Variants in GLIS3 observed in about 807,000 individuals in gnomAD.
The protein encoded by GLIS3 is zinc finger protein GLIS3.
Under a neutral mutation model 78.6 loss-of-function variants are expected in GLIS3, and 53 were observed. The ratio of observed to expected loss-of-function variants is 0.67; its 90% CI spans 0.54 to 0.85. The LOEUF is 0.85. GLIS3 is among the 40% of genes least tolerant of loss of function. GLIS3 has a pLI of 0.00. For synonymous variants in GLIS3, 684 were observed against 509.9 expected (o/e 1.34, Z -4.60); for missense variants, 1,703 against 1,231.1 (o/e 1.38, Z -5.74).
At position 3,940,902 on chromosome 9, in the gene GLIS3, C is replaced by T. The variant is rs560755113; in HGVS notation, c.1711-3713G>A. Among the ~76,000 whole-genome samples the T allele has an allele frequency of 4.6e-5, 7 of 152,236 alleles. No individual in the cohort carries two copies. The South Asian group carries it at 8.3e-4, about 18-fold the overall frequency. ...TGCATGAAAGCAAGGTCAACGTGTA[C>T]GGCTGGGCAGGTTACATACTGACGC... On this transcript the variant is annotated intron_variant, in intron 4 of 10. Transcript: ENST00000381971.
intron 8 of GLIS3, among the ~76,000 whole-genome samples, chr9:3,857,863 G>C (rs1819890752): frequency 6.6e-6 from 1 of 152,122 alleles, no homozygotes; most frequent in South Asian, 2.1e-4. Context: ...TCATATGAAG[G>C]CTATTTTCTG....
intron 2 of GLIS3, among the ~76,000 whole-genome samples, chr9:4,159,786 C>T (rs780563939): frequency 1.3e-5 from 2 of 152,008 alleles, no homozygotes; most frequent in African/African-American, 2.4e-5. Context: ...GGTTGGCCCA[C>T]ATAGTTCCAC....
chr9:4,062,693 C>T (rs767986231), intron 4 of GLIS3, among the ~76,000 whole-genome samples: 1 of 152,090 alleles, frequency 6.6e-6, no homozygotes, highest in Non-Finnish European at 1.5e-5. Context: ...TTCGGGAGGC[C>T]GAGGCGGGCG....
the GLIS3 span, among the ~76,000 whole-genome samples, chr9:4,391,550 G>GGTGTGT: frequency 2.1e-3 from 309 of 146,180 alleles, 1 homozygote; most frequent in African/African-American, 5.8e-3. Flanking sequence ...TTCTAAGAGG[G>GGTGTGT]GTGTGTGTGT....
the GLIS3 span, among the ~76,000 whole-genome samples, chr9:4,409,541 C>T: frequency 6.6e-6 from 1 of 152,080 alleles, no homozygotes; most frequent in Non-Finnish European, 1.5e-5. Context: ...AACACGCTTA[C>T]TAGTATAATG....
intron 4 of GLIS3, among the ~76,000 whole-genome samples, chr9:4,061,623 C>T (rs1379307601): frequency 6.6e-6 from 1 of 152,074 alleles, no homozygotes; most frequent in Non-Finnish European, 1.5e-5. Flanking sequence ...TATATTAACA[C>T]AGTTTAGTGT....
intron 3 of GLIS3, among the ~76,000 whole-genome samples, chr9:4,309,264 T>C (rs554075881): frequency 2.1e-4 from 32 of 152,142 alleles, no homozygotes; most frequent in Non-Finnish European, 2.9e-5. Flanking sequence ...GTCTGTTAAG[T>C]GAACAAAGAA....
intron 4 of GLIS3, among the ~76,000 whole-genome samples, chr9:3,939,760 A>G (rs1008279204): frequency 3.9e-5 from 6 of 152,022 alleles, no homozygotes; most frequent in Non-Finnish European, 8.8e-5. Flanking sequence ...TTGTATGAAT[A>G]AAGGCAGAAG....
intron 2 of GLIS3, among the ~76,000 whole-genome samples, chr9:4,182,672 G>A (rs1486616755): frequency 6.6e-6 from 1 of 152,114 alleles, no homozygotes; most frequent in African/African-American, 2.4e-5. Context: ...CATGAGTCAT[G>A]GTTCTCCCAA....
intron 4 of GLIS3, among the ~76,000 whole-genome samples, chr9:3,980,970 G>A (rs1410288502): frequency 1.3e-5 from 2 of 152,116 alleles, no homozygotes; most frequent in South Asian, 2.1e-4. Flanking sequence ...CTCAGCATGC[G>A]TGCAAGCTCT....
At chr9:4,354,660 G>A in the GLIS3 span, among the ~76,000 whole-genome samples, 24 of 152,244 alleles carry the variant, frequency 1.6e-4, no homozygotes, top group African/African-American at 5.3e-4. Flanking sequence ...CTCTCACTGC[G>A]GTCCTGGGAT....
rs5896049 is a variant in GLIS3 at position 4,179,909 on chromosome 9, C to CAAA, written c.389-53971_389-53969dup. On this transcript the variant is annotated intron_variant, in intron 2 of 10. Transcript: ENST00000381971. Reference sequence around the variant, plus strand: ...TGGGTGAGAGAGCGAGACTCTGTCTCAAAAAAAAAAAAATTAATTTCTAGC... The same window carrying CAAA: ...TGGGTGAGAGAGCGAGACTCTGTCTCAAAAAAAAAAAAAAAATTAATTTCTAGC... 1.4e-3 allele frequency among the ~76,000 whole-genome samples: 203 copies of CAAA among 144,576 alleles called. 1 individual carries two copies. The highest frequency in any genetic ancestry group is 2.9e-3 in the South Asian group (13 of 4,488). 94.8% of individuals were successfully genotyped at this position (144,576 alleles called of 152,430 possible). A position where few individuals can be genotyped will look rare whatever the true frequency, so the allele number is the denominator to read the frequency against.
intron 9 of GLIS3, among the ~76,000 whole-genome samples, chr9:3,845,731 CCACG>C (rs1384386444): frequency 6.6e-6 from 1 of 151,984 alleles, no homozygotes; most frequent in East Asian, 1.9e-4. Context: ...ACGTGCATGC[CCACG>C]CACGCACACA....
the GLIS3 span, among the ~76,000 whole-genome samples, chr9:4,367,970 A>G: frequency 6.6e-6 from 1 of 152,224 alleles, no homozygotes; most frequent in Non-Finnish European, 1.5e-5. Flanking sequence ...AAGAAAGAAC[A>G]TGTCAAATCC....
At chr9:4,392,321 A>G in the GLIS3 span, among the ~76,000 whole-genome samples, 12 of 152,306 alleles carry the variant, frequency 7.9e-5, no homozygotes, top group African/African-American at 2.9e-4. Context: ...ACGGGTTGAT[A>G]GGTGCTGCAA....
At chr9:4,193,928 C>T (rs981280427) in intron 2 of GLIS3, among the ~76,000 whole-genome samples, 7 of 152,194 alleles carry the variant, frequency 4.6e-5, no homozygotes, top group African/African-American at 9.7e-5. Flanking sequence ...ATGTGGTAAG[C>T]GTGCTTAACA....
At chr9:4,243,358 C>T (rs927968349) in intron 2 of GLIS3, among the ~76,000 whole-genome samples, 2 of 150,922 alleles carry the variant, frequency 1.3e-5, no homozygotes, top group African/African-American at 4.9e-5. Context: ...TCCCAGTAGA[C>T]AGAACCTCCA....
chr9:3,895,173 G>A (rs1822738734), intron 7 of GLIS3, among the ~76,000 whole-genome samples: 1 of 152,212 alleles, frequency 6.6e-6, no homozygotes, highest in South Asian at 2.1e-4. Flanking sequence ...TTCATCACAG[G>A]TGTTCACCAG....
intron 2 of GLIS3, among the ~76,000 whole-genome samples, chr9:4,325,281 T>C (rs150335699): frequency 5.9e-5 from 9 of 152,360 alleles, no homozygotes; most frequent in South Asian, 2.1e-4. Flanking sequence ...TTATGTCTTC[T>C]TGATGAGTGA....
Sources: gnomAD v4.1 joint callset for allele counts (sites outside exome capture counted in the v4.1 genomes callset) on GRCh38, gnomAD v4.1.1 for gene constraint, MANE v1.5 for transcripts, NCBI Gene and HGNC (gene_info 2026-07-23, HGNC 2026-07-21) for gene names.